Variants in ADGRL2 observed in about 807,000 individuals in gnomAD.
ADGRL2 encodes the protein adhesion G protein-coupled receptor L2, also known as calcium-independent alpha-latrotoxin receptor 2.
ADGRL2 carries 44 observed loss-of-function variants against 157.4 expected under a neutral mutation model. The observed-to-expected ratio is 0.28, with a 90% CI of 0.22 to 0.36. The LOEUF (loss-of-function observed/expected upper bound fraction) is 0.36, where lower values mean the gene tolerates loss of function less well. ADGRL2 is among the 10% of genes least tolerant of loss of function. The pLI is 1.00. For missense variants in ADGRL2, 1,510 were observed against 1,768.9 expected (o/e 0.85, Z 2.63); for synonymous variants, 585 against 624.7 (o/e 0.94, Z 0.95).
At chr1:81,676,932 G>A (rs1454366797) in intron 3 of ADGRL2, among the ~76,000 whole-genome samples, 1 of 148,346 alleles carries the variant, frequency 6.7e-6, no homozygotes, top group Non-Finnish European at 1.5e-5. Context: ...CTCGTGATCT[G>A]CCCGCAGTGC....
intron 1 of ADGRL2, among the ~76,000 whole-genome samples, chr1:81,733,780 T>G (rs1452845272): frequency 6.6e-6 from 1 of 152,088 alleles, no homozygotes; most frequent in East Asian, 1.9e-4. Flanking sequence ...AGGAGCTAAA[T>G]GATTTGAACA....
intron 3 of ADGRL2, among the ~76,000 whole-genome samples, chr1:81,922,552 G>A (rs2095008214): frequency 6.6e-6 from 1 of 152,050 alleles, no homozygotes; most frequent in East Asian, 1.9e-4. Context: ...GAAGAGTAAG[G>A]TACAGTTTGA....
intron 3 of ADGRL2, among the ~76,000 whole-genome samples, chr1:81,626,591 A>G (rs11163342): frequency 0.23 from 35,750 of 152,190 alleles, 4,959 homozygotes; most frequent in African/African-American, 0.36. Context: ...GTACTTTCAC[A>G]TAAGCTATAA....
intron 1 of ADGRL2, among the ~76,000 whole-genome samples, chr1:81,398,230 T>C (rs1162262754): frequency 6.6e-6 from 1 of 152,110 alleles, no homozygotes; most frequent in Non-Finnish European, 1.5e-5. Flanking sequence ...TTTTTGCATA[T>C]AGCTGAGTCA....
At chr1:81,800,717 A>T (rs1261452701), upstream of ADGRL2, among the ~76,000 whole-genome samples, 1 of 151,628 alleles carries the variant, frequency 6.6e-6, no homozygotes, top group Non-Finnish European at 1.5e-5. Context: ...TGTGGACAGG[A>T]TGGAGAGCGC....
intron 2 of ADGRL2, among the ~76,000 whole-genome samples, chr1:81,857,322 T>C (rs2093235935): frequency 6.6e-6 from 1 of 152,210 alleles, no homozygotes; most frequent in Non-Finnish European, 1.5e-5. Flanking sequence ...GTATTTGTGG[T>C]TTAATCATGC....
At chr1:81,329,280 C>T (rs1197312030) in intron 1 of ADGRL2, among the ~76,000 whole-genome samples, 1 of 151,940 alleles carries the variant, frequency 6.6e-6, no homozygotes, top group Non-Finnish European at 1.5e-5. Flanking sequence ...CTCAGAACAC[C>T]CCACCCCCAA....
At chr1:81,708,054 T>G (rs534581683) in intron 1 of ADGRL2, among the ~76,000 whole-genome samples, 1 of 152,322 alleles carries the variant, frequency 6.6e-6, no homozygotes, top group African/African-American at 2.4e-5. Flanking sequence ...TTTTTAGTTG[T>G]AAGAATATCT....
intron 2 of ADGRL2, among the ~76,000 whole-genome samples, chr1:81,501,529 T>C (rs2148014962): frequency 6.6e-6 from 1 of 152,368 alleles, no homozygotes; most frequent in Non-Finnish European, 1.5e-5. Context: ...GGTTCACTCA[T>C]CGAGGCACAG....
intron 1 of ADGRL2, among the ~76,000 whole-genome samples, chr1:81,402,052 A>G (rs1328298153): frequency 6.6e-6 from 1 of 151,134 alleles, no homozygotes; most frequent in African/African-American, 2.4e-5. Context: ...ATTGGTAAGG[A>G]AAGATTTAGC....
intron 2 of ADGRL2, among the ~76,000 whole-genome samples, chr1:81,510,737 A>C (rs1035469599): frequency 6.6e-6 from 1 of 152,204 alleles, no homozygotes; most frequent in African/African-American, 2.4e-5. Flanking sequence ...GTGTAGAAAG[A>C]ATGAAAAAGA....
chr1:81,364,691 T>C (rs986080564), intron 1 of ADGRL2, among the ~76,000 whole-genome samples: 1 of 151,714 alleles, frequency 6.6e-6, no homozygotes, highest in Non-Finnish European at 1.5e-5. Context: ...AATAGGATAT[T>C]GGTAATTAAT....
intron 1 of ADGRL2, among the ~76,000 whole-genome samples, chr1:81,707,109 T>C (rs902267724): frequency 2.0e-5 from 3 of 152,164 alleles, no homozygotes; most frequent in Non-Finnish European, 4.4e-5. Flanking sequence ...CCTGTTGTAA[T>C]CCTGGTTTCT....
intron 6 of ADGRL2, among the ~76,000 whole-genome samples, chr1:81,944,579 T>A (rs562231526): frequency 7.2e-5 from 11 of 152,096 alleles, no homozygotes; most frequent in Admixed American, 5.9e-4. Context: ...AATAATTTGT[T>A]AATGTATTAT....
chr1:81,491,835 G>C (rs17106547), intron 2 of ADGRL2, among the ~76,000 whole-genome samples: 33 of 152,136 alleles, frequency 2.2e-4, no homozygotes, highest in African/African-American at 7.7e-4. Context: ...TACTGTGCTC[G>C]CGAAATGTTG....
rs184411994 is a variant in ADGRL2, at chr1:81,918,759, C to G, written c.287+11529C>G. On this transcript the variant is annotated intron_variant, in intron 3 of 23. Transcript: ENST00000686636. The stretch of plus-strand genomic sequence containing the variant: ...TGAAATTTTTACATGAAGAGACACT[C>G]ATAGACTATGTCGCTAAAAATATTG... 1.9e-3 allele frequency among the ~76,000 whole-genome samples: 288 copies of G among 152,234 alleles called. 3 individuals carry two copies. Among genetic ancestry groups the G allele is most frequent in the African/African-American group, 6.6e-3 (276 of 41,534 alleles).
chr1:81,524,671 TAAC>T (rs1328983000), intron 2 of ADGRL2, among the ~76,000 whole-genome samples: 3 of 152,138 alleles, frequency 2.0e-5, no homozygotes, highest in Admixed American at 6.5e-5. Context: ...TAATTTATAT[TAAC>T]AACAACAACC....
intron 2 of ADGRL2, among the ~76,000 whole-genome samples, chr1:81,839,905 A>T (rs1181543898): frequency 1.4e-5 from 2 of 140,956 alleles, no homozygotes; most frequent in African/African-American, 5.3e-5. Flanking sequence ...ATATATATAT[A>T]TTTTCCATCA....
chr1:81,934,130 T>C (rs1463498496), intron 3 of ADGRL2, among the ~76,000 whole-genome samples: 1 of 152,134 alleles, frequency 6.6e-6, no homozygotes, highest in East Asian at 1.9e-4. Flanking sequence ...TTTGCTGTCT[T>C]AAAGTGGATG....
Sources: gnomAD v4.1 joint callset for allele counts (sites outside exome capture counted in the v4.1 genomes callset) on GRCh38, gnomAD v4.1.1 for gene constraint, MANE v1.5 for transcripts, NCBI Gene and HGNC (gene_info 2026-07-23, HGNC 2026-07-21) for gene names.